Variants in FAT3 observed in about 807,000 individuals in gnomAD.
FAT3 encodes the protein FAT atypical cadherin 3.
Under a neutral mutation model 310.2 loss-of-function variants are expected in FAT3, and 95 were observed. The ratio of observed to expected loss-of-function variants is 0.31; its 90% CI spans 0.26 to 0.36. The LOEUF (loss-of-function observed/expected upper bound fraction) is 0.36, where lower values mean the gene tolerates loss of function less well. Ranked by LOEUF, FAT3 falls within the 10% of genes least tolerant of loss-of-function variation. FAT3 has a pLI of 1.00. For synonymous variants in FAT3, 2,314 were observed against 2,192.9 expected (o/e 1.06, Z -1.54); for missense variants, 5,408 against 5,715.6 (o/e 0.95, Z 1.74).
Position 92,386,176 on chromosome 11 carries a change from A to G in FAT3, c.3292+30772A>G, listed in dbSNP as rs895122306. On this transcript the variant is annotated intron_variant, in intron 2 of 27. Coordinates refer to ENST00000525166, the MANE Select transcript of FAT3 (RefSeq NM_001367949.2). The stretch of plus-strand genomic sequence containing the variant: ...GTGAGAAAATAAACTCATCCTTTCT[A>G]CCACCACTCAGAAATAACCATTCTT... 6.6e-5 allele frequency among the ~76,000 whole-genome samples: 10 copies of G among 152,216 alleles called. No homozygotes were observed. The South Asian group carries it at 1.2e-3, about 19-fold the overall frequency.
At chr11:92,510,428 CAG>C (rs1953254149) in intron 2 of FAT3, among the ~76,000 whole-genome samples, 2 of 152,114 alleles carry the variant, frequency 1.3e-5, no homozygotes, top group Admixed American at 6.6e-5. Context: ...GAGAGAAAAA[CAG>C]AGTGCAAGCT....
chr11:92,534,583 A>G (rs544849708), intron 3 of FAT3, among the ~76,000 whole-genome samples: 2 of 152,324 alleles, frequency 1.3e-5, no homozygotes, highest in South Asian at 4.1e-4. Flanking sequence ...TTATTTGGTA[A>G]GGAAGATCTT....
chr11:92,458,585 AGC>A (rs1474386501), intron 2 of FAT3, among the ~76,000 whole-genome samples: 3 of 69,572 alleles, frequency 4.3e-5, no homozygotes, highest in African/African-American at 9.3e-5. Context: ...CCCAGCCACC[AGC>A]AGAGTGACCT....
chr11:92,562,830 G>A (rs1057328664), intron 3 of FAT3, among the ~76,000 whole-genome samples: 6 of 152,126 alleles, frequency 3.9e-5, no homozygotes, highest in African/African-American at 1.2e-4. Flanking sequence ...TCTTATATCT[G>A]GCCCTCAACA....
At chr11:92,564,684 A>G (rs1955364480) in intron 3 of FAT3, among the ~76,000 whole-genome samples, 2 of 152,190 alleles carry the variant, frequency 1.3e-5, no homozygotes, top group Admixed American at 6.6e-5. Flanking sequence ...ATAACAAACT[A>G]TCTCTCAGAC....
intron 4 of FAT3, among the ~76,000 whole-genome samples, chr11:92,736,364 C>T (rs1314164554): frequency 1.3e-5 from 2 of 152,096 alleles, no homozygotes. Flanking sequence ...CTGTTCAGAG[C>T]AAGCCATAAT....
intron 13 of FAT3, 95 bp from the exon 14 acceptor site, chr11:92,831,527 T>C: frequency 4.9e-6 from 5 of 1,028,872 alleles, no homozygotes; most frequent in Non-Finnish European, 6.9e-6. Context: ...ATTTTTCTTG[T>C]TGTGGCCCTT....
Position 92,353,676 on chromosome 11 carries a change from A to C in FAT3, c.1564A>C (p.Asn522His). The change falls in exon 2 of 28, where the codon AAT (asparagine) becomes CAT (histidine). Residue 522 changes from asparagine to histidine, a missense_variant. By Grantham distance (68) the Asn-to-His change is moderately conservative (BLOSUM62 1). Transcript: ENST00000525166. The stretch of plus-strand genomic sequence containing the variant: ...CCTGAATTTGTTACCATTTGTCATT[A>C]ATCAGTTTACAGGTGTTATTAGCAC... Reference protein sequence around the residue: ...ASLNLLPFVINQFTGVISTTE... With the variant: ...ASLNLLPFVIHQFTGVISTTE... 6.2e-7 allele frequency: 1 copy of C among 1,613,942 alleles called. No homozygotes were observed. The highest frequency in any genetic ancestry group is 1.1e-5 in the South Asian group (1 of 91,084).
chr11:92,450,062 T>C (rs1221153162), intron 2 of FAT3, among the ~76,000 whole-genome samples: 1 of 152,134 alleles, frequency 6.6e-6, no homozygotes, highest in Non-Finnish European at 1.5e-5. Context: ...TAACTCTAAC[T>C]ACCTCCTTAG....
chr11:92,683,669 G>A (rs1943550585), intron 3 of FAT3, among the ~76,000 whole-genome samples: 1 of 152,110 alleles, frequency 6.6e-6, no homozygotes. Flanking sequence ...CCACCCCAGT[G>A]CCTAGCCAGT....
chr11:92,316,972 G>A (rs906878103), intron 1 of FAT3, among the ~76,000 whole-genome samples: 1 of 152,156 alleles, frequency 6.6e-6, no homozygotes, highest in Non-Finnish European at 1.5e-5. Flanking sequence ...GTGCCACCAA[G>A]GAGGTGGCAG....
rs553650384 is a variant in FAT3 at position 92,268,807 on chromosome 11, C to T, written c.-18+43633C>T. ...ATTTAGAAACATGTACAAAACATAC[C>T]CCTTGGTAAGCAGTGTTCCAACTAA... On this transcript the variant is annotated intron_variant, in intron 1 of 27. Transcript: ENST00000525166. 4.6e-5 allele frequency among the ~76,000 whole-genome samples: 7 copies of T among 152,192 alleles called. No homozygotes were observed. The South Asian group carries it at 1.5e-3, about 32-fold the overall frequency.
chr11:92,417,754 AC>A (rs142392233), intron 2 of FAT3, among the ~76,000 whole-genome samples: 3,161 of 152,318 alleles, frequency 0.021, 123 homozygotes, highest in African/African-American at 0.071. Flanking sequence ...GACTAACCAA[AC>A]ATTTAAAAGT....
At chr11:92,509,089 G>A (rs558613546) in intron 2 of FAT3, among the ~76,000 whole-genome samples, 1 of 152,056 alleles carries the variant, frequency 6.6e-6, no homozygotes, top group East Asian at 1.9e-4. Flanking sequence ...TTTTGTCCTT[G>A]AGTAAAATTA....
chr11:92,452,531 T>C (rs1307906417), intron 2 of FAT3, among the ~76,000 whole-genome samples: 1 of 152,076 alleles, frequency 6.6e-6, no homozygotes, highest in African/African-American at 2.4e-5. Context: ...GTAGAGAATA[T>C]GGCAGAGAAG....
chr11:92,891,330 G>A lies in FAT3; in HGVS notation c.*217G>A, dbSNP rs528654082. On this transcript the variant is annotated 3_prime_UTR_variant, in exon 28 of 28. Transcript: ENST00000525166. ...AGAAATTGTTTTTGAGAGGTGACTG[G>A]TAATCCTTGATGTAGGTACCTATGT... is the stretch of plus-strand genomic sequence containing the variant. The A allele has an allele frequency of 1.7e-5, 11 of 636,022 alleles. No homozygotes were observed. Among genetic ancestry groups the A allele is most frequent in the Non-Finnish European group, 2.1e-5 (8 of 378,750 alleles). The allele number at this position is 636,022 out of a possible 1,614,324, so 39.4% of individuals were successfully genotyped here.
chr11:92,483,153 A>G (rs998994970), intron 2 of FAT3, among the ~76,000 whole-genome samples: 2 of 152,176 alleles, frequency 1.3e-5, no homozygotes, highest in Non-Finnish European at 2.9e-5. Flanking sequence ...TGCTTGGACA[A>G]GCTAAGTGAA....
chr11:92,892,647 G>T lies in FAT3; in HGVS notation c.*1534G>T, dbSNP rs911653218. The T allele has an allele frequency of 1.3e-5, 2 of 152,132 alleles. No individual in the cohort carries two copies. The highest frequency in any genetic ancestry group is 3.9e-4 in the East Asian group (2 of 5,172). The allele number at this position is 152,132 out of a possible 1,614,324, so 9.4% of individuals were successfully genotyped here. Reference sequence around the variant, plus strand: ...AGGCTGGTCTCAAACTCCTGACCTCGTAATCCACCTGCCGTGGCCTCCCAA... The same window carrying T: ...AGGCTGGTCTCAAACTCCTGACCTCTTAATCCACCTGCCGTGGCCTCCCAA... On this transcript the variant is annotated 3_prime_UTR_variant, in exon 28 of 28. Coordinates refer to ENST00000525166, the MANE Select transcript of FAT3 (RefSeq NM_001367949.2).
chr11:92,560,607 T>C (rs796711832), intron 3 of FAT3, among the ~76,000 whole-genome samples: 3 of 152,290 alleles, frequency 2.0e-5, no homozygotes, highest in South Asian at 2.1e-4. Context: ...GGTTGTAGAA[T>C]CTTGGAATTT....
Sources: allele counts gnomAD v4.1 joint callset (sites outside exome capture counted in the v4.1 genomes callset), GRCh38; gene constraint gnomAD v4.1.1; transcripts MANE v1.5; gene names NCBI Gene and HGNC (gene_info 2026-07-23, HGNC 2026-07-21).